The following MRPS25 variants were observed in gnomAD, a reference collection of about 807,000 sequenced individuals.
MRPS25 encodes small ribosomal subunit protein mS25.
In MRPS25, 15 loss-of-function variants were observed where a neutral mutation model predicts 17.3. That is an observed-to-expected ratio of 0.87 (90% confidence interval 0.58 to 1.34). The LOEUF is 1.34. Among genes scored for constraint, MRPS25 ranks in the 40% most tolerant of loss-of-function variants. MRPS25 has a pLI of 0.00. For synonymous variants in MRPS25, 94 were observed against 83.3 expected, an observed-to-expected ratio of 1.13 and a Z score of -0.70; for missense variants, 225 against 218.6, an observed-to-expected ratio of 1.03 and a Z score of -0.19.
chr3:15,043,020 C>T (rs200379124), downstream of MRPS25: 755 of 1,610,826 alleles, frequency 4.7e-4, 1 homozygote, highest in South Asian at 1.4e-3. Flanking sequence ...GCAAACCACA[C>T]ACCTGCCAAG....
chr3:15,048,477 A>G (rs1261910445), downstream of MRPS25: 2 of 152,660 alleles, frequency 1.3e-5, no homozygotes, highest in Non-Finnish European at 2.9e-5. Flanking sequence ...CCAGCTATAA[A>G]TAATTTTGGT....
In MRPS25 at chr3:15,065,056, C is replaced by T; in HGVS notation, c.134+5G>A. 1 of 1,576,724 alleles carries T rather than the reference C, an allele frequency of 6.3e-7. No individual in the cohort carries two copies. On this transcript the variant is annotated splice_donor_5th_base_variant and intron_variant, in intron 1 of 3. Transcript: ENST00000253686. ...GCTCGCCAGGCGGCCGGGGCTGCGACTGACCTGGCGCCCTCGCCCAGCTCC... is the reference window on the plus strand; with the variant it reads ...GCTCGCCAGGCGGCCGGGGCTGCGATTGACCTGGCGCCCTCGCCCAGCTCC...
At chr3:15,060,619 A>G (rs777479521) in intron 1 of MRPS25, among the ~76,000 whole-genome samples, 1 of 152,040 alleles carries the variant, frequency 6.6e-6, no homozygotes, top group Non-Finnish European at 1.5e-5. Flanking sequence ...GCGGTGGCTC[A>G]TGCCTGTAAT....
chr3:15,056,867 C>G (rs1327628553), intron 2 of MRPS25, among the ~76,000 whole-genome samples: 1 of 152,226 alleles, frequency 6.6e-6, no homozygotes, highest in Non-Finnish European at 1.5e-5. Flanking sequence ...TGCTGGAACT[C>G]CACCCTGTGA....
chr3:15,061,417 T>A (rs1194853082), intron 1 of MRPS25, among the ~76,000 whole-genome samples: 1 of 152,226 alleles, frequency 6.6e-6, no homozygotes, highest in African/African-American at 2.4e-5. Context: ...GGGGTTTCGC[T>A]GTGTTGGCCG....
Position 15,052,296 on chromosome 3 carries a change from C to T in MRPS25, c.*145G>A. On this transcript the variant is annotated 3_prime_UTR_variant, in exon 4 of 4. Transcript: ENST00000253686. ...GACCCTCCTCTCCCACATCCTTTTA[C>T]ACAGGTGTGTAAAGTCCTTTTAATG... The T allele has an allele frequency of 1.4e-6, 2 of 1,432,862 alleles. No homozygotes were observed. The highest frequency in any genetic ancestry group is 1.8e-6 in the Non-Finnish European group (2 of 1,094,856). 88.8% of individuals were successfully genotyped at this position (1,432,862 alleles called of 1,614,324 possible). A position where few individuals can be genotyped will look rare whatever the true frequency, so the allele number is the denominator to read the frequency against.
rs570453053 is a variant in MRPS25 at position 15,053,008 on chromosome 3, GGAAA to G, written c.329+368_329+371del. Among the ~76,000 whole-genome samples the G allele has an allele frequency of 5.7e-3, 867 of 152,224 alleles. 8 individuals are homozygous for G. The highest frequency in any genetic ancestry group is 0.019 in the African/African-American group (782 of 41,526). Reference sequence around the variant, plus strand: ...TCCCTTTCTGTCTCCTCTCATTCATGGAAAGAAAGACCTGTCACCAGGAGCCCTA... The same window carrying G: ...TCCCTTTCTGTCTCCTCTCATTCATGGAAAGACCTGTCACCAGGAGCCCTA... On this transcript the variant is annotated intron_variant, in intron 3 of 3. Transcript: ENST00000253686.
rs1483250341 is a variant in MRPS25 at position 15,048,812 on chromosome 3, T to C, written c.*3629A>G. ...CAGTACAAGCCGTAGTTTTTACCTG[T>C]AGTTTGGACTTCTCTGTTAGAATGT... On this transcript the variant is annotated 3_prime_UTR_variant, in exon 4 of 4. Coordinates refer to ENST00000253686, the MANE Select transcript of MRPS25 (RefSeq NM_022497.5). 1 of 152,670 alleles carries C rather than the reference T, an allele frequency of 6.6e-6. No individual in the cohort carries two copies. Among genetic ancestry groups the C allele is most frequent in the Admixed American group, 6.5e-5 (1 of 15,286 alleles). The allele number at this position is 152,670 out of a possible 1,614,324, so 9.5% of individuals were successfully genotyped here.
downstream of MRPS25, chr3:15,042,873 G>A: frequency 4.3e-6 from 7 of 1,614,176 alleles, no homozygotes; most frequent in South Asian, 5.5e-5. Context: ...CACTCAGGCT[G>A]ATGAGCTCCA....
Position 15,048,903 on chromosome 3 carries a change from T to C in MRPS25, c.*3538A>G, listed in dbSNP as rs960163393. 4.6e-5 allele frequency: 7 copies of C among 152,690 alleles called. No homozygotes were observed. Among genetic ancestry groups the C allele is most frequent in the Non-Finnish European group, 8.8e-5 (6 of 68,046 alleles). 9.5% of individuals were successfully genotyped at this position (152,690 alleles called of 1,614,324 possible). A position where few individuals can be genotyped will look rare whatever the true frequency, so the allele number is the denominator to read the frequency against. On this transcript the variant is annotated 3_prime_UTR_variant, in exon 4 of 4. Coordinates refer to ENST00000253686, the MANE Select transcript of MRPS25 (RefSeq NM_022497.5). ...AGGAAAATTTGGGTGTTAGATTTTC[T>C]TGGGACCGTTTCTGTAACCTTTGCC...
intron 2 of MRPS25, among the ~76,000 whole-genome samples, chr3:15,054,654 A>G (rs2042647439): frequency 6.6e-6 from 1 of 152,218 alleles, no homozygotes; most frequent in Admixed American, 6.5e-5. Context: ...CTAGGCAAGT[A>G]TATTTTGGAG....
Position 15,049,709 on chromosome 3 carries a change from T to C in MRPS25, c.*2732A>G. ...AACATATTCATTATGTCATCTGACCTCTCATGTTCCAGGTGAAAATTCTGA... is the reference window on the plus strand; with the variant it reads ...AACATATTCATTATGTCATCTGACCCCTCATGTTCCAGGTGAAAATTCTGA... On this transcript the variant is annotated 3_prime_UTR_variant, in exon 4 of 4. Transcript: ENST00000253686. The C allele has an allele frequency of 3.5e-6, 2 of 572,080 alleles. No homozygotes were observed. Among genetic ancestry groups the C allele is most frequent in the South Asian group, 4.5e-5 (2 of 44,550 alleles). The allele number at this position is 572,080 out of a possible 1,614,324, so 35.4% of individuals were successfully genotyped here. A position where few individuals can be genotyped will look rare whatever the true frequency, so the allele number is the denominator to read the frequency against.
rs1406988341 is a variant in MRPS25, at chr3:15,053,426, T to C, written c.283A>G (p.Asn95Asp). Residue 95 changes from asparagine (N) to aspartate (D), a missense_variant, in exon 3 of 4, where the codon AAT becomes GAT. Transcript: ENST00000253686. ...CTGATGTGCTCCATGATCTCCTTAT[T>C]GCTCTTGGTCTCCACATCCACCAGG... ...QVLVDVETKS[N>D]KEIMEHIRKI... is the part of the protein sequence containing the mutation. 1 of 1,614,216 alleles carries C rather than the reference T, an allele frequency of 6.2e-7. No homozygotes were observed. The highest frequency in any genetic ancestry group is 8.5e-7 in the Non-Finnish European group (1 of 1,180,042).
At chr3:15,057,498 A>G (rs897769315) in intron 2 of MRPS25, among the ~76,000 whole-genome samples, 3 of 152,230 alleles carry the variant, frequency 2.0e-5, no homozygotes, top group Non-Finnish European at 4.4e-5. Flanking sequence ...TGAATCTCAA[A>G]ACATGAGTAA....
intron 2 of MRPS25, among the ~76,000 whole-genome samples, chr3:15,055,834 C>G (rs2042663834): frequency 6.7e-6 from 1 of 149,482 alleles, no homozygotes; most frequent in Non-Finnish European, 1.5e-5. Context: ...AAAACAGTCA[C>G]AAGACATTAT....
chr3:15,051,350 AT>A lies in MRPS25; in HGVS notation c.*1090del, dbSNP rs2042602581. The A allele has an allele frequency of 5.5e-6, 3 of 549,566 alleles. No homozygotes were observed. Among genetic ancestry groups the A allele is most frequent in the Non-Finnish European group, 2.3e-6 (1 of 432,312 alleles). The allele number at this position is 549,566 out of a possible 1,614,324, so 34.0% of individuals were successfully genotyped here. On this transcript the variant is annotated 3_prime_UTR_variant, in exon 4 of 4. Coordinates refer to ENST00000253686, the MANE Select transcript of MRPS25 (RefSeq NM_022497.5). ...AGACGCGAAACACCACACCCATCTA[AT>A]TTTTGTACTTTTTGTAGAGACAAGG...
In MRPS25 at chr3:15,055,205, C is replaced by T. The variant is rs554252354; in HGVS notation, c.242-1738G>A. ...AACCATTCATGAGAAACCGCCCCCACGGTGACTAGGACTCGTACTCCCATG... is the reference window on the plus strand; with the variant it reads ...AACCATTCATGAGAAACCGCCCCCATGGTGACTAGGACTCGTACTCCCATG... On this transcript the variant is annotated intron_variant, in intron 2 of 3. Transcript: ENST00000253686. 2.4e-4 allele frequency among the ~76,000 whole-genome samples: 37 copies of T among 152,324 alleles called. 4 individuals are homozygous for T. The highest frequency in any genetic ancestry group is 2.1e-3 in the South Asian group (10 of 4,824).
Position 15,059,895 on chromosome 3 carries a change from G to T in MRPS25, c.135-420C>A, listed in dbSNP as rs1051082098. 4.6e-5 allele frequency among the ~76,000 whole-genome samples: 7 copies of T among 151,842 alleles called. No homozygotes were observed. In the South Asian group the frequency reaches 1.5e-3, roughly 32 times the overall value. ...TGAGACCAATGTATTCACACATGGG[G>T]GAACAGTTTTACAATTGAGGAGTGG... On this transcript the variant is annotated intron_variant, in intron 1 of 3. Coordinates refer to ENST00000253686, the MANE Select transcript of MRPS25 (RefSeq NM_022497.5).
At chr3:15,064,942 C>T (rs1165623112) in intron 1 of MRPS25, 119 bp downstream of exon 1, 2 of 1,333,700 alleles carry the variant, frequency 1.5e-6, no homozygotes, top group Admixed American at 2.2e-5. Context: ...ACAGCGCCGA[C>T]CTGGGGGGCC....
Sources: gnomAD v4.1 joint callset for allele counts (sites outside exome capture counted in the v4.1 genomes callset) on GRCh38, gnomAD v4.1.1 for gene constraint, MANE v1.5 for transcripts, NCBI Gene and HGNC (gene_info 2026-07-23, HGNC 2026-07-21) for gene names.